Variants in LRCH2 observed in about 807,000 individuals in gnomAD.
The protein encoded by LRCH2 is leucine-rich repeat and calponin homology domain-containing protein 2.
Under a neutral mutation model 68.9 loss-of-function variants are expected in LRCH2, and 38 were observed. The ratio of observed to expected loss-of-function variants is 0.55; its 90% CI spans 0.43 to 0.72. The LOEUF is 0.72. Ranked by LOEUF, LRCH2 falls within the 30% of genes least tolerant of loss-of-function variation. The pLI is 0.00. For synonymous variants in LRCH2, 191 were observed against 208.1 expected (o/e 0.92, Z 0.71); for missense variants, 528 against 572.9 (o/e 0.92, Z 0.80).
In LRCH2 at chrX:115,147,394, T is replaced by C. The variant is rs1183176143; in HGVS notation, c.1695+2433A>G. ...GAAAAAAAACTAGTGACATACTCAT[T>C]TTACTATGTCCTAATACTGACATCT... On this transcript the variant is annotated intron_variant, in intron 14 of 20. Coordinates refer to ENST00000317135, the MANE Select transcript of LRCH2 (RefSeq NM_020871.4). 6.3e-5 allele frequency among the ~76,000 whole-genome samples: 7 copies of C among 111,445 alleles called. No individual in the cohort carries two copies. The East Asian group carries it at 1.7e-3, about 27-fold the overall frequency.
chrX:115,217,113 A>C (rs1556571811), intron 1 of LRCH2, among the ~76,000 whole-genome samples: 1 of 111,671 alleles, frequency 9.0e-6, no homozygotes, highest in Non-Finnish European at 1.9e-5. Context: ...GAGGGGTGAG[A>C]AACTACCTAA....
intron 10 of LRCH2, among the ~76,000 whole-genome samples, chrX:115,164,654 C>T (rs2072544196): frequency 9.0e-6 from 1 of 111,283 alleles, no homozygotes; most frequent in Admixed American, 9.6e-5. Context: ...TGGACACTGG[C>T]TAAGTGGTTT....
chrX:115,206,462 C>T (rs1335865551), intron 1 of LRCH2, among the ~76,000 whole-genome samples: 2 of 112,062 alleles, frequency 1.8e-5, no homozygotes, highest in Non-Finnish European at 3.8e-5. Flanking sequence ...GGCAGACAAC[C>T]GCTTAAAGGT....
intron 20 of LRCH2, among the ~76,000 whole-genome samples, chrX:115,119,421 T>C (rs1329269977): frequency 1.2e-5 from 1 of 85,898 alleles, no homozygotes; most frequent in African/African-American, 4.6e-5. Context: ...CATTCACAAT[T>C]GCTTCAAAGA....
rs1355484192 is a variant in LRCH2, at chrX:115,174,599, CCCCA to C, written c.865-4171_865-4168del. The stretch of plus-strand genomic sequence containing the variant: ...TCATTACACACAAACACACCCCCCC[CCCCA>C]CACACACACACACACTATATTTTCT... On this transcript the variant is annotated intron_variant, in intron 5 of 20. Coordinates refer to ENST00000317135, the MANE Select transcript of LRCH2 (RefSeq NM_020871.4). Among the ~76,000 whole-genome samples the C allele has an allele frequency of 1.8e-3, 169 of 95,325 alleles. 2 individuals are homozygous for C. The highest frequency in any genetic ancestry group is 6.3e-3 in the African/African-American group (153 of 24,290). The allele number at this position is 95,325 out of a possible 115,157, so 82.8% of individuals were successfully genotyped here.
chrX:115,233,542 C>G, intron 1 of LRCH2, 151 bp downstream of exon 1: 2 of 527,693 alleles, frequency 3.8e-6, no homozygotes, highest in Non-Finnish European at 6.0e-6. Flanking sequence ...TCGCCCCTCA[C>G]GTTCAGGAGA....
intron 6 of LRCH2, among the ~76,000 whole-genome samples, chrX:115,169,427 G>T (rs1010945132): frequency 9.0e-6 from 1 of 111,262 alleles, no homozygotes; most frequent in African/African-American, 3.3e-5. Flanking sequence ...AGCCTTGTTT[G>T]GTCTAATACT....
chrX:115,191,774 G>A (rs190118922), intron 1 of LRCH2: 14,592 of 1,159,152 alleles, frequency 0.013, 273 homozygotes, highest in Admixed American at 0.11. Flanking sequence ...GGAGGAGGCC[G>A]CTACGAGGAG....
rs782214622 is a variant in LRCH2, at chrX:115,189,390, C to T, written c.350-1020G>A. 47 of 1,125,864 alleles carry T rather than the reference C, an allele frequency of 4.2e-5. No individual in the cohort carries two copies. The Middle Eastern group carries it at 7.4e-4, about 18-fold the overall frequency. The allele number at this position is 1,125,864 out of a possible 1,213,427, so 92.8% of individuals were successfully genotyped here. A position where few individuals can be genotyped will look rare whatever the true frequency, so the allele number is the denominator to read the frequency against. On this transcript the variant is annotated intron_variant, in intron 1 of 20. Transcript: ENST00000317135. Reference sequence around the variant, plus strand: ...AGAGCGCTCGAAGGCCGCGACTGAACTGCCGCGTCATCACTTCCCACTTCC... The same window carrying T: ...AGAGCGCTCGAAGGCCGCGACTGAATTGCCGCGTCATCACTTCCCACTTCC...
intron 1 of LRCH2, among the ~76,000 whole-genome samples, chrX:115,214,825 A>T (rs1175415942): frequency 9.0e-6 from 1 of 111,645 alleles, no homozygotes; most frequent in Non-Finnish European, 1.9e-5. Flanking sequence ...TCTCGCAACA[A>T]TTAAGCCACA....
chrX:115,136,490 T>C (rs1366120289), intron 14 of LRCH2, among the ~76,000 whole-genome samples: 1 of 111,266 alleles, frequency 9.0e-6, no homozygotes, highest in Non-Finnish European at 1.9e-5. Context: ...TTACCTTTTT[T>C]TTTTGCCTTT....
At chrX:115,113,883 G>A (rs1336447496) in intron 20 of LRCH2, among the ~76,000 whole-genome samples, 2 of 110,845 alleles carry the variant, frequency 1.8e-5, no homozygotes, top group African/African-American at 6.5e-5. Context: ...AGCCCTCACC[G>A]ATCCTCTTCC....
rs782092607 is a variant in LRCH2, at chrX:115,123,918, A to C, written c.1849+27T>G. The C allele has an allele frequency of 3.1e-5, 31 of 993,563 alleles. No individual in the cohort carries two copies. The South Asian group carries it at 6.7e-4, about 22-fold the overall frequency. 81.9% of individuals were successfully genotyped at this position (993,563 alleles called of 1,213,427 possible). A position where few individuals can be genotyped will look rare whatever the true frequency, so the allele number is the denominator to read the frequency against. ...AAACTAGTTTCATATATAACTAATA[A>C]ATTTTATTTACAGAATATCTATTTA... On this transcript the variant is annotated intron_variant, in intron 17 of 20. Coordinates refer to ENST00000317135, the MANE Select transcript of LRCH2 (RefSeq NM_020871.4).
intron 1 of LRCH2, among the ~76,000 whole-genome samples, chrX:115,197,018 A>C (rs970930117): frequency 1.6e-4 from 18 of 110,122 alleles, no homozygotes; most frequent in Non-Finnish European, 3.0e-4. Flanking sequence ...CACCAAGAAC[A>C]ACACATTAAC....
intron 1 of LRCH2, chrX:115,192,153 T>A: frequency 8.6e-7 from 1 of 1,159,670 alleles, no homozygotes; most frequent in Non-Finnish European, 1.1e-6. Context: ...ATGGCCGGAG[T>A]GACCATTACG....
intron 1 of LRCH2, among the ~76,000 whole-genome samples, chrX:115,197,144 C>G (rs1164095318): frequency 9.0e-6 from 1 of 111,649 alleles, no homozygotes; most frequent in South Asian, 3.8e-4. Context: ...GAAAAAAGTC[C>G]CCCATCCACG....
At chrX:115,197,528 G>A (rs1277738414) in intron 1 of LRCH2, among the ~76,000 whole-genome samples, 3 of 110,917 alleles carry the variant, frequency 2.7e-5, no homozygotes, top group African/African-American at 9.9e-5. Context: ...GAGGTAAGAG[G>A]ACTGCTTGAG....
intron 1 of LRCH2, among the ~76,000 whole-genome samples, chrX:115,205,550 T>C (rs781992149): frequency 8.9e-6 from 1 of 112,210 alleles, no homozygotes; most frequent in East Asian, 2.8e-4. Flanking sequence ...ATGCTAAAAA[T>C]AGGAAAACTA....
At position 115,188,255 on chromosome X, in the gene LRCH2, A is replaced by C; in HGVS notation, c.465T>G (p.Asn155Lys). The change falls in exon 2 of 21, where the codon AAT (asparagine) becomes AAG (lysine). Residue 155 changes from asparagine to lysine, a missense_variant. Transcript: ENST00000317135. ...CIKTIPEAIK[N>K]LQMLTYLNIS... is the part of the protein sequence containing the mutation. The stretch of plus-strand genomic sequence containing the variant: ...TGTTAAGGTATGTTAACATCTGCAG[A>C]TTTTTAATGGCTTCAGGAATGGTTT... 8.5e-7 allele frequency: 1 copy of C among 1,173,885 alleles called. No individual in the cohort carries two copies. The highest frequency in any genetic ancestry group is 1.1e-6 in the Non-Finnish European group (1 of 875,933).
Sources: allele counts gnomAD v4.1 joint callset (sites outside exome capture counted in the v4.1 genomes callset), GRCh38; gene constraint gnomAD v4.1.1; transcripts MANE v1.5; gene names NCBI Gene and HGNC (gene_info 2026-07-23, HGNC 2026-07-21).